Variants in NCR3LG1 observed in about 807,000 individuals in gnomAD.
NCR3LG1 encodes the protein natural cytotoxicity triggering receptor 3 ligand 1.
Under a neutral mutation model 34.8 loss-of-function variants are expected in NCR3LG1, and 35 were observed. That is an observed-to-expected ratio of 1.01 (90% CI 0.77 to 1.33). The LOEUF is 1.33. Among genes scored for constraint, NCR3LG1 ranks in the 40% most tolerant of loss-of-function variants. NCR3LG1 has a pLI of 0.00. For missense variants in NCR3LG1, 452 were observed against 423.3 expected (o/e 1.07, Z -0.60); for synonymous variants, 173 against 163.6 (o/e 1.06, Z -0.44).
chr11:17,356,775 G>A lies in NCR3LG1; in HGVS notation c.195G>A (p.Trp65Ter). 1 of 1,536,318 alleles carries A rather than the reference G, an allele frequency of 6.5e-7. No homozygotes were observed. Among genetic ancestry groups the A allele is most frequent in the Admixed American group, 2.0e-5 (1 of 51,002 alleles). ...ACATCACGTCTATGGGTATCACCTG[G>A]TTTTGGAAGAGTCTGACGTTTGACA... ...PLNITSMGITWFWKSLTFDKE... is the reference protein window; with the variant it reads ...PLNITSMGIT Residue 65 changes from tryptophan to a stop codon, truncating the protein, a stop_gained, in exon 2 of 5, where the codon TGG becomes TGA. Coordinates refer to ENST00000338965, the MANE Select transcript of NCR3LG1 (RefSeq NM_001202439.3). LOFTEE classifies it high-confidence loss of function.
rs1295848234 is a variant in NCR3LG1, at chr11:17,372,875, A to T, written c.*363A>T. The T allele has an allele frequency of 5.0e-6, 1 of 198,628 alleles. No homozygotes were observed. Among genetic ancestry groups the T allele is most frequent in the Non-Finnish European group, 1.0e-5 (1 of 97,256 alleles). The allele number at this position is 198,628 out of a possible 1,614,324, so 12.3% of individuals were successfully genotyped here. ...TCGGACCCCAGTGGTACCTTAGATGAGTGGCAAAGAAAACATTTTCAAATG... is the reference window on the plus strand; with the variant it reads ...TCGGACCCCAGTGGTACCTTAGATGTGTGGCAAAGAAAACATTTTCAAATG... On this transcript the variant is annotated 3_prime_UTR_variant, in exon 5 of 5. Transcript: ENST00000338965.
intron 4 of NCR3LG1, among the ~76,000 whole-genome samples, chr11:17,371,676 C>T (rs188689552): frequency 2.0e-4 from 30 of 152,324 alleles, no homozygotes; most frequent in Non-Finnish European, 3.5e-4. Flanking sequence ...ATGTTCCCTT[C>T]CTTAAAGGGT....
chr11:17,375,848 C>T lies in NCR3LG1; in HGVS notation c.*3336C>T, dbSNP rs1316947705. 1 of 152,154 alleles carries T rather than the reference C, an allele frequency of 6.6e-6. No homozygotes were observed. The allele number at this position is 152,154 out of a possible 1,614,324, so 9.4% of individuals were successfully genotyped here. The stretch of plus-strand genomic sequence containing the variant: ...ATAAGGGAAATAAAGCCTCAGTATT[C>T]CCCTACAGAGATAGAATGGGCCACC... On this transcript the variant is annotated 3_prime_UTR_variant, in exon 5 of 5. Transcript: ENST00000338965.
chr11:17,363,674 T>C (rs1468754798), intron 2 of NCR3LG1, among the ~76,000 whole-genome samples: 1 of 151,772 alleles, frequency 6.6e-6, no homozygotes, highest in East Asian at 1.9e-4. Context: ...CATTGCAGCT[T>C]CACCCTAGTG....
At chr11:17,368,150 TG>T (rs1374757459) in intron 3 of NCR3LG1, among the ~76,000 whole-genome samples, 1 of 152,008 alleles carries the variant, frequency 6.6e-6, no homozygotes, top group Non-Finnish European at 1.5e-5. Context: ...TGTCCCAAGA[TG>T]GGGAGGGCTA....
At chr11:17,355,707 C>A (rs969510280) in intron 1 of NCR3LG1, among the ~76,000 whole-genome samples, 3 of 152,150 alleles carry the variant, frequency 2.0e-5, no homozygotes, top group Non-Finnish European at 4.4e-5. Context: ...GTGAGAGCCT[C>A]ATTTCTAGTT....
chr11:17,363,579 T>C (rs1953311523), intron 2 of NCR3LG1, among the ~76,000 whole-genome samples: 1 of 118,880 alleles, frequency 8.4e-6, no homozygotes, highest in South Asian at 3.0e-4. Flanking sequence ...TCTTTCTCTC[T>C]TTTCTTTTCT....
chr11:17,362,748 CTTT>C (rs1265555536), intron 2 of NCR3LG1, among the ~76,000 whole-genome samples: 14 of 107,070 alleles, frequency 1.3e-4, no homozygotes, highest in South Asian at 5.4e-4. Context: ...TTCTTTCTTT[CTTT>C]CTTTCTTTCT....
intron 2 of NCR3LG1, among the ~76,000 whole-genome samples, chr11:17,362,564 G>A (rs557001123): frequency 6.2e-4 from 94 of 150,778 alleles, no homozygotes; most frequent in Non-Finnish European, 1.2e-3. Context: ...TTCCTTAAAT[G>A]TTTAGTAGGA....
At chr11:17,363,589 TTTTC>T (rs1348366957) in intron 2 of NCR3LG1, among the ~76,000 whole-genome samples, 1 of 145,040 alleles carries the variant, frequency 6.9e-6, no homozygotes, top group Non-Finnish European at 1.5e-5. Context: ...TTTTCTTTTC[TTTTC>T]TTTCTTTCTT....
chr11:17,381,498 A>T (rs1591691614), downstream of NCR3LG1: 3 of 152,738 alleles, frequency 2.0e-5, no homozygotes, highest in East Asian at 5.8e-4. Flanking sequence ...CCAAGGACAC[A>T]GTCAGCATTT....
At chr11:17,379,749 A>G (rs1953503970), downstream of NCR3LG1, among the ~76,000 whole-genome samples, 4 of 152,214 alleles carry the variant, frequency 2.6e-5, no homozygotes, top group Admixed American at 2.6e-4. Context: ...AACATTTTAA[A>G]TATTACATTA....
intron 2 of NCR3LG1, among the ~76,000 whole-genome samples, chr11:17,359,048 C>T (rs756134788): frequency 5.3e-5 from 8 of 152,130 alleles, no homozygotes; most frequent in Admixed American, 3.3e-4. Flanking sequence ...TATATTTCCT[C>T]TCTTGTATAT....
At chr11:17,354,542 CTTCTT>C (rs1953182130) in intron 1 of NCR3LG1, among the ~76,000 whole-genome samples, 2 of 58,016 alleles carry the variant, frequency 3.4e-5, no homozygotes, top group South Asian at 9.9e-4. Context: ...CCCAATTCTT[CTTCTT>C]TTTTTTTTTT....
Position 17,372,489 on chromosome 11 carries a change from A to G in NCR3LG1, c.1342A>G (p.Thr448Ala). ...TCCAGTTCTATCCTCCCAACCCCCA[A>G]CTTTACTGTTACCCCTACAGTAAAT... ...TTPVLSSQPP[T>A]LLLPLQ is the part of the protein sequence containing the mutation. Residue 448 changes from threonine (T) to alanine (A), a missense_variant, in exon 5 of 5, where the codon ACT becomes GCT. Coordinates refer to ENST00000338965, the MANE Select transcript of NCR3LG1 (RefSeq NM_001202439.3). 1 of 700,074 alleles carries G rather than the reference A, an allele frequency of 1.4e-6. No homozygotes were observed. Among genetic ancestry groups the G allele is most frequent in the South Asian group, 1.5e-5 (1 of 67,258 alleles). The allele number at this position is 700,074 out of a possible 1,614,324, so 43.4% of individuals were successfully genotyped here.
rs1308542501 is a variant in NCR3LG1, at chr11:17,366,979, C to A, written c.422-30C>A. 7 of 1,501,438 alleles carry A rather than the reference C, an allele frequency of 4.7e-6. No individual in the cohort carries two copies. The Admixed American group carries it at 8.0e-5, about 17-fold the overall frequency. The allele number at this position is 1,501,438 out of a possible 1,614,324, so 93.0% of individuals were successfully genotyped here. On this transcript the variant is annotated intron_variant, in intron 2 of 4. Coordinates refer to ENST00000338965, the MANE Select transcript of NCR3LG1 (RefSeq NM_001202439.3). ...GGTGGGGATAAAAGGGTGCTGGGCC[C>A]AACTCTGTATGATTTTTTTTCCCTG...
Position 17,367,324 on chromosome 11 carries a change from C to A in NCR3LG1, c.737C>A (p.Thr246Asn). The change falls in exon 3 of 5, where the codon ACT (threonine) becomes AAT (asparagine). Residue 246 changes from threonine (T) to asparagine (N), a missense_variant. Thr to Asn is a moderately conservative substitution (Grantham distance 65, BLOSUM62 0). Coordinates refer to ENST00000338965, the MANE Select transcript of NCR3LG1 (RefSeq NM_001202439.3). The stretch of plus-strand genomic sequence containing the variant: ...CCCTTGAGGAGCAACTTTACCCTGA[C>A]TGCTGCTCGGCACAGTCTTTCTGGT... ...HTPLRSNFTL[T>N]AARHSLSETE... 1 of 1,534,816 alleles carries A rather than the reference C, an allele frequency of 6.5e-7. No individual in the cohort carries two copies. Among genetic ancestry groups the A allele is most frequent in the Non-Finnish European group, 8.7e-7 (1 of 1,145,892 alleles).
At chr11:17,365,438 A>G (rs977933431) in intron 2 of NCR3LG1, among the ~76,000 whole-genome samples, 3 of 152,262 alleles carry the variant, frequency 2.0e-5, no homozygotes, top group African/African-American at 7.2e-5. Flanking sequence ...ATTAAATCTT[A>G]TTCTTTTAGT....
intron 4 of NCR3LG1, 142 bp downstream of exon 4, chr11:17,369,106 G>A: frequency 1.6e-6 from 1 of 606,422 alleles, no homozygotes; most frequent in Admixed American, 3.1e-5. Flanking sequence ...ATCAGGTGTT[G>A]GGAATGTTGG....
Sources: gnomAD v4.1 joint callset for allele counts (sites outside exome capture counted in the v4.1 genomes callset) on GRCh38, gnomAD v4.1.1 for gene constraint, MANE v1.5 for transcripts, NCBI Gene and HGNC (gene_info 2026-07-23, HGNC 2026-07-21) for gene names.